Variants in SQSTM1 observed in about 807,000 individuals in gnomAD.
The protein encoded by SQSTM1 is sequestosome 1, also known as sequestosome-1.
SQSTM1 carries 36 observed loss-of-function variants against 45.1 expected under a neutral mutation model. That is an observed-to-expected ratio of 0.80 (90% CI 0.61 to 1.05). SQSTM1 has a LOEUF of 1.05. Among genes scored for constraint, SQSTM1 ranks in the 50% least tolerant of loss-of-function variants. The pLI, the probability that SQSTM1 is intolerant of heterozygous loss-of-function variation, is 0.00. For synonymous variants in SQSTM1, 290 were observed against 244.3 expected, an observed-to-expected ratio of 1.19 and a Z score of -1.74; for missense variants, 617 against 607.1, an observed-to-expected ratio of 1.02 and a Z score of -0.17.
intron 7 of SQSTM1, among the ~76,000 whole-genome samples, chr5:179,834,734 G>A (rs568627151): frequency 7.9e-5 from 12 of 152,198 alleles, no homozygotes; most frequent in Non-Finnish European, 1.5e-4. Flanking sequence ...TTGGGGGTAA[G>A]GTCACAGATC....
rs1033104011 is a variant in SQSTM1, at chr5:179,829,628, A to C, written c.755-3404A>C. Among the ~76,000 whole-genome samples the C allele has an allele frequency of 7.9e-5, 12 of 152,240 alleles. No individual in the cohort carries two copies. The East Asian group carries it at 1.7e-3, about 22-fold the overall frequency. On this transcript the variant is annotated intron_variant, in intron 5 of 7. Transcript: ENST00000389805. ...AAAATAGAAAAAAAACTTCAAAAGA[A>C]GGCTTAGATTCTACTATTGTCTCAA...
chr5:179,832,119 AAAGGGTAGTGG>A (rs1293069635), intron 5 of SQSTM1, among the ~76,000 whole-genome samples: 1 of 152,118 alleles, frequency 6.6e-6, no homozygotes, highest in East Asian at 1.9e-4. Flanking sequence ...TGCGTCTTGG[AAAGGGTAGTGG>A]AAGGAGAGGC....
intron 1 of SQSTM1, among the ~76,000 whole-genome samples, chr5:179,810,898 G>A (rs1414956514): frequency 6.6e-5 from 10 of 152,026 alleles, no homozygotes; most frequent in Non-Finnish European, 1.5e-4. Flanking sequence ...GTGTCTGCGG[G>A]CCAACAATTT....
At chr5:179,836,318 G>C in intron 7 of SQSTM1, 118 bp from the exon 8 acceptor site, 1 of 1,382,334 alleles carries the variant, frequency 7.2e-7, no homozygotes, top group Non-Finnish European at 1.0e-6. Flanking sequence ...CGAGAGCTCT[G>C]GGCAGGCTCG....
chr5:179,833,586 G>C lies in SQSTM1; in HGVS notation c.970-1G>C, dbSNP rs1032845476. 5 of 1,614,118 alleles carry C rather than the reference G, an allele frequency of 3.1e-6. No homozygotes were observed. Among genetic ancestry groups the C allele is most frequent in the Non-Finnish European group, 4.2e-6 (5 of 1,180,014 alleles). On this transcript the variant is annotated splice_acceptor_variant, in intron 6 of 7. Coordinates refer to ENST00000389805, the MANE Select transcript of SQSTM1 (RefSeq NM_003900.5). LOFTEE classifies it high-confidence loss of function. ...TGTGCTCATGGTGAGTTTTGTTCCAGGAACAGATGGAGTCGGATAACTGTT... is the reference window on the plus strand; with the variant it reads ...TGTGCTCATGGTGAGTTTTGTTCCACGAACAGATGGAGTCGGATAACTGTT...
chr5:179,817,025 G>A (rs1192638516), upstream of SQSTM1, among the ~76,000 whole-genome samples: 1 of 152,148 alleles, frequency 6.6e-6, no homozygotes, highest in Non-Finnish European at 1.5e-5. Context: ...CGGTGGCCCC[G>A]GGCAGGCCAC....
In SQSTM1 at chr5:179,806,622, T is replaced by A. The variant is rs1757172854; in HGVS notation, c.-157+31T>A. On this transcript the variant is annotated intron_variant, in intron 1 of 5. Transcript: ENST00000514093. The surrounding 1 kb of genome is among the most constrained non-coding windows in gnomAD (Gnocchi z 4.6). Reference sequence around the variant, plus strand: ...CGGCGGGCGCCCGCGGGGCCGAGGCTGCATGGCCCGGGGGACCGGGGCCGG... The same window carrying A: ...CGGCGGGCGCCCGCGGGGCCGAGGCAGCATGGCCCGGGGGACCGGGGCCGG... The A allele has an allele frequency of 2.7e-6, 3 of 1,126,406 alleles. No homozygotes were observed. The highest frequency in any genetic ancestry group is 3.4e-6 in the Non-Finnish European group (3 of 885,530). 69.8% of individuals were successfully genotyped at this position (1,126,406 alleles called of 1,614,324 possible). A position where few individuals can be genotyped will look rare whatever the true frequency, so the allele number is the denominator to read the frequency against.
upstream of SQSTM1, among the ~76,000 whole-genome samples, chr5:179,819,373 C>T (rs949756318): frequency 7.9e-5 from 12 of 151,450 alleles, 1 homozygote; most frequent in South Asian, 2.1e-4. Flanking sequence ...GCGGAAACTT[C>T]CCGCGATCCC....
intron 1 of SQSTM1, among the ~76,000 whole-genome samples, chr5:179,810,392 G>C (rs1053956850): frequency 1.1e-4 from 16 of 152,112 alleles, no homozygotes; most frequent in Non-Finnish European, 2.2e-4. Flanking sequence ...CCTTGTGATA[G>C]TTTGCTCAGA....
rs142348340 is a variant in SQSTM1 at position 179,825,256 on chromosome 5, C to T, written c.754+30C>T. The T allele has an allele frequency of 4.5e-6, 7 of 1,566,848 alleles. No individual in the cohort carries two copies. The East Asian group carries it at 1.6e-4, about 35-fold the overall frequency. On this transcript the variant is annotated intron_variant, in intron 5 of 7. Coordinates refer to ENST00000389805, the MANE Select transcript of SQSTM1 (RefSeq NM_003900.5). Reference sequence around the variant, plus strand: ...GTGCACCTCCTTGCCCAGTGCTTCCCTAACTCAGCCTGCACTTTATGTAAC... The same window carrying T: ...GTGCACCTCCTTGCCCAGTGCTTCCTTAACTCAGCCTGCACTTTATGTAAC...
In SQSTM1 at chr5:179,828,840, CAAAG is replaced by C. The variant is rs572148348; in HGVS notation, c.754+3619_754+3622del. ...TACACAAAAAAGAAAACACCATAGA[CAAAG>C]AAAGTAATAGAGGAAAAGACAAAGA... On this transcript the variant is annotated intron_variant, in intron 5 of 7. Transcript: ENST00000389805. Among the ~76,000 whole-genome samples the C allele has an allele frequency of 3.2e-3, 481 of 152,140 alleles. 3 individuals carry two copies. The highest frequency in any genetic ancestry group is 0.011 in the African/African-American group (465 of 41,492).
chr5:179,833,569 T>C lies in SQSTM1; in HGVS notation c.970-18T>C, dbSNP rs1561605939. The C allele has an allele frequency of 3.7e-6, 6 of 1,613,882 alleles. No individual in the cohort carries two copies. The African/African-American group carries it at 5.3e-5, about 14-fold the overall frequency. ...GTTGCGCGTGTCTCCTGTGTGCTCA[T>C]GGTGAGTTTTGTTCCAGGAACAGAT... On this transcript the variant is annotated intron_variant, in intron 6 of 7. Coordinates refer to ENST00000389805, the MANE Select transcript of SQSTM1 (RefSeq NM_003900.5).
intron 5 of SQSTM1, among the ~76,000 whole-genome samples, chr5:179,831,118 C>T (rs1037801795): frequency 2.0e-5 from 3 of 152,116 alleles, no homozygotes; most frequent in African/African-American, 7.2e-5. Context: ...AAGAGAGAAA[C>T]CCAAAATGAA....
At position 179,836,806 on chromosome 5, in the gene SQSTM1, T is replaced by A; in HGVS notation, c.*213T>A. On this transcript the variant is annotated 3_prime_UTR_variant, in exon 8 of 8. Coordinates refer to ENST00000389805, the MANE Select transcript of SQSTM1 (RefSeq NM_003900.5). ...GCTGATGTTTCCTGGGTGCCCTGGC[T>A]CCTTGCAGCAGGGCTGGGCCTGCGA... 1 of 762,592 alleles carries A rather than the reference T, an allele frequency of 1.3e-6. No homozygotes were observed. Among genetic ancestry groups the A allele is most frequent in the Non-Finnish European group, 2.2e-6 (1 of 457,104 alleles). 47.2% of individuals were successfully genotyped at this position (762,592 alleles called of 1,614,324 possible). A position where few individuals can be genotyped will look rare whatever the true frequency, so the allele number is the denominator to read the frequency against.
At position 179,806,604 on chromosome 5, in the gene SQSTM1, C is replaced by A. The variant is rs1264541949; in HGVS notation, c.-157+13C>A. 4.1e-6 allele frequency: 5 copies of A among 1,219,682 alleles called. No homozygotes were observed. The highest frequency in any genetic ancestry group is 2.3e-4 in the Middle Eastern group (1 of 4,274). The allele number at this position is 1,219,682 out of a possible 1,614,324, so 75.6% of individuals were successfully genotyped here. A position where few individuals can be genotyped will look rare whatever the true frequency, so the allele number is the denominator to read the frequency against. ...CTCATCTCCTCGGGTGCGCGGCGGG[C>A]GCCCGCGGGGCCGAGGCTGCATGGC... On this transcript the variant is annotated intron_variant, in intron 1 of 5. Coordinates refer to the SQSTM1 transcript ENST00000514093. The surrounding 1 kb of genome is among the most constrained non-coding windows in gnomAD (Gnocchi z 4.6).
rs1757186136 is a variant in SQSTM1, at chr5:179,806,862, A to C, written c.-157+271A>C. 1 of 150,292 alleles carries C rather than the reference A, an allele frequency of 6.7e-6. No homozygotes were observed. Among genetic ancestry groups the C allele is most frequent in the Non-Finnish European group, 1.5e-5 (1 of 67,806 alleles). 9.3% of individuals were successfully genotyped at this position (150,292 alleles called of 1,614,324 possible). ...TCACTGCAGATATCAGGGGCGCGGG[A>C]CACTGGCGGCCTCGCCTCCGCGGCA... On this transcript the variant is annotated intron_variant, in intron 1 of 5. Transcript: ENST00000514093. This position sits in a 1 kb window ranked among gnomAD's most constrained non-coding sequence, Gnocchi z 4.6.
In SQSTM1 at chr5:179,837,149, TTC is replaced by T; in HGVS notation, c.*561_*562del. ...CCTCCTGGTCTCTTCACCACTGTAG[TTC>T]TCTCATTTCCAAACCATCAGCTGCT... On this transcript the variant is annotated 3_prime_UTR_variant, in exon 8 of 8. Transcript: ENST00000389805. The T allele has an allele frequency of 2.2e-6, 3 of 1,378,066 alleles. No individual in the cohort carries two copies. The highest frequency in any genetic ancestry group is 3.0e-6 in the Non-Finnish European group (3 of 1,002,110). 85.4% of individuals were successfully genotyped at this position (1,378,066 alleles called of 1,614,324 possible).
At chr5:179,823,121 A>T in intron 2 of SQSTM1, 68 bp downstream of exon 2, 1 of 1,439,128 alleles carries the variant, frequency 6.9e-7, no homozygotes, top group East Asian at 2.3e-5. Flanking sequence ...CTGAGTAAAA[A>T]ACAGGGCTCG....
intron 5 of SQSTM1, among the ~76,000 whole-genome samples, chr5:179,829,373 C>T (rs574071051): frequency 8.5e-5 from 13 of 152,190 alleles, no homozygotes; most frequent in Non-Finnish European, 1.8e-4. Context: ...TTAGTGATGG[C>T]GCTGGCCCCA....
Sources: allele counts gnomAD v4.1 joint callset (sites outside exome capture counted in the v4.1 genomes callset), GRCh38; gene constraint gnomAD v4.1.1; non-coding constraint Gnocchi (gnomAD v3.1); transcripts MANE v1.5; gene names NCBI Gene and HGNC (gene_info 2026-07-23, HGNC 2026-07-21).